COL4A3: variants seen among roughly 807,000 people sequenced by gnomAD.
COL4A3 encodes collagen type IV alpha 3 chain.
In COL4A3, 135 loss-of-function variants were observed where a neutral mutation model predicts 217.4. The ratio of observed to expected loss-of-function variants is 0.62; its 90% CI spans 0.54 to 0.72. COL4A3 has a LOEUF of 0.72. Among genes scored for constraint, COL4A3 ranks in the 30% least tolerant of loss-of-function variants. The pLI is 0.00. For synonymous variants in COL4A3, 690 were observed against 736.3 expected (o/e 0.94, Z 1.02); for missense variants, 1,868 against 2,119.9 (o/e 0.88, Z 2.33).
chr2:227,237,163 T>C lies in COL4A3; in HGVS notation c.88-805T>C, dbSNP rs1293006541. ...TGAATTTTTTGTTTTGGTTTTGGTT[T>C]TATAAGAAAGAACATTCTGTTGTTC... On this transcript the variant is annotated intron_variant, in intron 1 of 51. Transcript: ENST00000396578. 5.9e-5 allele frequency among the ~76,000 whole-genome samples: 9 copies of C among 152,116 alleles called. No homozygotes were observed. In the East Asian group the frequency reaches 1.7e-3, roughly 29 times the overall value.
chr2:227,251,449 G>A, intron 11 of COL4A3, 78 bp downstream of exon 11: 1 of 1,375,402 alleles, frequency 7.3e-7, no homozygotes, highest in Non-Finnish European at 1.0e-6. Flanking sequence ...GCTTCTTCAT[G>A]TGGGTCACTG....
intron 21 of COL4A3, 53 bp from the exon 22 acceptor site, chr2:227,266,364 C>T (rs1006727093): frequency 4.6e-6 from 6 of 1,294,604 alleles, no homozygotes; most frequent in African/African-American, 2.9e-5. Context: ...ACAATACTTG[C>T]TAATTGAAAA....
intron 1 of COL4A3, among the ~76,000 whole-genome samples, chr2:227,172,434 A>C (rs558362090): frequency 6.6e-6 from 1 of 152,078 alleles, no homozygotes; most frequent in African/African-American, 2.4e-5. Flanking sequence ...TATCCTCACA[A>C]GGTAGTTCGG....
At chr2:227,274,268 A>AATAAATAAATAT (rs1165418861) in intron 26 of COL4A3, among the ~76,000 whole-genome samples, 1 of 151,594 alleles carries the variant, frequency 6.6e-6, no homozygotes, top group African/African-American at 2.4e-5. Context: ...TAAATAAATA[A>AATAAATAAATAT]ATAAATTTTA....
At chr2:227,235,871 T>C (rs1245343370) in intron 1 of COL4A3, among the ~76,000 whole-genome samples, 1 of 148,946 alleles carries the variant, frequency 6.7e-6, no homozygotes, top group Non-Finnish European at 1.5e-5. Context: ...CCTCCCAGGT[T>C]CAAGCGATTC....
At chr2:227,273,340 A>G (rs1392539300) in intron 26 of COL4A3, among the ~76,000 whole-genome samples, 3 of 152,204 alleles carry the variant, frequency 2.0e-5, no homozygotes, top group Admixed American at 6.5e-5. Context: ...AGAATATTCT[A>G]TATCTATTAC....
intron 37 of COL4A3, among the ~76,000 whole-genome samples, chr2:227,292,250 A>G (rs369541427): frequency 6.6e-6 from 1 of 152,330 alleles, no homozygotes; most frequent in East Asian, 1.9e-4. Context: ...AACAAGAAAA[A>G]AATTTAGACA....
intron 20 of COL4A3, among the ~76,000 whole-genome samples, chr2:227,263,050 A>G (rs573789912): frequency 3.3e-5 from 5 of 152,366 alleles, no homozygotes; most frequent in African/African-American, 1.2e-4. Flanking sequence ...TCTTACATGT[A>G]TCCCATAAAT....
chr2:227,288,155 G>A (rs1477352770), intron 34 of COL4A3, among the ~76,000 whole-genome samples: 1 of 152,198 alleles, frequency 6.6e-6, no homozygotes, highest in African/African-American at 2.4e-5. Flanking sequence ...GACTGTAAAT[G>A]GTGTGATCTC....
intron 3 of COL4A3, among the ~76,000 whole-genome samples, chr2:227,242,895 G>A (rs2069111300): frequency 6.6e-6 from 1 of 152,116 alleles, no homozygotes; most frequent in Non-Finnish European, 1.5e-5. Context: ...ATCCATGTAT[G>A]TGTTCTTTTT....
Position 227,312,080 on chromosome 2 carries a change from C to G in COL4A3, c.*210C>G. 1.2e-6 allele frequency: 1 copy of G among 813,760 alleles called. No individual in the cohort carries two copies. Among genetic ancestry groups the G allele is most frequent in the Non-Finnish European group, 1.9e-6 (1 of 534,908 alleles). 50.4% of individuals were successfully genotyped at this position (813,760 alleles called of 1,614,324 possible). ...CTCTAATCTGTGCTGTTTCAAAGTT[C>G]TCTGTGGCAAAGCAGCAACTATTCA... On this transcript the variant is annotated 3_prime_UTR_variant, in exon 52 of 52. Transcript: ENST00000396578.
At chr2:227,232,246 T>C (rs1037453514) in intron 1 of COL4A3, among the ~76,000 whole-genome samples, 3 of 152,242 alleles carry the variant, frequency 2.0e-5, no homozygotes, top group African/African-American at 7.2e-5. Flanking sequence ...ATCTTAGCTA[T>C]AGTATACTCT....
intron 14 of COL4A3, 138 bp downstream of exon 14, chr2:227,254,312 G>T: frequency 2.6e-6 from 2 of 757,966 alleles, no homozygotes; most frequent in Non-Finnish European, 4.5e-6. Context: ...TCCACAGGCA[G>T]AGCAGCTATT....
chr2:227,251,193 G>A lies in COL4A3; in HGVS notation c.600G>A (p.Pro200=), dbSNP rs371948448. The part of the protein sequence containing the change: ...FPGPVGPPGP[P]GFFGFPGAMG... ...GGCCTGTTGGCCCACCTGGTCCTCC[G>A]GGATTCTTTGTGAGTATCAAGTCAT... The change falls in exon 10 of 52, where the codon CCG becomes CCA. Residue 200 remains proline (P), a synonymous_variant. Transcript: ENST00000396578. The A allele has an allele frequency of 1.2e-5, 19 of 1,613,338 alleles. No homozygotes were observed. The highest frequency in any genetic ancestry group is 1.5e-5 in the Non-Finnish European group (18 of 1,179,518).
At chr2:227,208,781 CA>C (rs1559828316) in intron 1 of COL4A3, among the ~76,000 whole-genome samples, 1 of 145,702 alleles carries the variant, frequency 6.9e-6, no homozygotes, top group African/African-American at 2.6e-5. Context: ...CACACACACA[CA>C]CACACACACA....
rs1382090125 is a variant in COL4A3 at position 227,251,171 on chromosome 2, C to G, written c.578C>G (p.Pro193Arg). The change falls in exon 10 of 52, where the codon CCT becomes CGT. Residue 193 changes from proline (P) to arginine (R), a missense_variant. This residue lies in a region of COL4A3 where 365 missense variants were observed against 333.8 expected (regional missense o/e 1.09). Coordinates refer to ENST00000396578, the MANE Select transcript of COL4A3 (RefSeq NM_000091.5). ...GLPGPPGFPG[P>R]VGPPGPPGFF... ...CCAGGCCCTCCAGGTTTTCCTGGGC[C>G]TGTTGGCCCACCTGGTCCTCCGGGA... 1 of 1,613,932 alleles carries G rather than the reference C, an allele frequency of 6.2e-7. No individual in the cohort carries two copies. Among genetic ancestry groups the G allele is most frequent in the East Asian group, 2.2e-5 (1 of 44,888 alleles).
chr2:227,227,203 G>A (rs1278544684), intron 1 of COL4A3, among the ~76,000 whole-genome samples: 2 of 152,120 alleles, frequency 1.3e-5, no homozygotes, highest in African/African-American at 2.4e-5. Flanking sequence ...GTTTTTCACT[G>A]GGATTTTACG....
chr2:227,189,371 G>A (rs921389725), intron 1 of COL4A3, among the ~76,000 whole-genome samples: 2 of 152,142 alleles, frequency 1.3e-5, no homozygotes, highest in African/African-American at 4.8e-5. Context: ...AGGTGTGGTG[G>A]TGATCCCCGT....
rs957193012 is a variant in COL4A3, at chr2:227,282,098, C to T, written c.2489-267C>T. 2.0e-5 allele frequency among the ~76,000 whole-genome samples: 3 copies of T among 151,910 alleles called. No individual in the cohort carries two copies. The highest frequency in any genetic ancestry group is 2.9e-5 in the Non-Finnish European group (2 of 67,990). On this transcript the variant is annotated intron_variant, in intron 31 of 51. Transcript: ENST00000396578. The surrounding 1 kb of genome is among the most constrained non-coding windows in gnomAD (Gnocchi z 4.4). ...ACCAGCCTGGCCAACATGGCAAAAC[C>T]CCATCTCTATTAAAAATACAAAACT... is the stretch of plus-strand genomic sequence containing the variant.
Sources: gnomAD v4.1 joint callset for allele counts (sites outside exome capture counted in the v4.1 genomes callset) on GRCh38, gnomAD v4.1.1 for gene constraint, gnomAD v4.1.1 regional missense constraint, Gnocchi (gnomAD v3.1) non-coding constraint, MANE v1.5 for transcripts, NCBI Gene and HGNC (gene_info 2026-07-23, HGNC 2026-07-21) for gene names.